TSHZ2: variants seen among roughly 807,000 people sequenced by gnomAD.
TSHZ2 encodes teashirt homolog 2.
TSHZ2 carries 21 observed loss-of-function variants against 74.4 expected under a neutral mutation model. That is an observed-to-expected ratio of 0.28 (90% CI 0.20 to 0.41). The LOEUF (loss-of-function observed/expected upper bound fraction) is 0.41. TSHZ2 is among the 10% of genes least tolerant of loss of function. The pLI, the probability that TSHZ2 is intolerant of heterozygous loss-of-function variation, is 1.00. For missense variants in TSHZ2, 1,244 were observed against 1,293.5 expected (o/e 0.96, Z 0.59); for synonymous variants, 540 against 515.3 (o/e 1.05, Z -0.65).
chr20:53,284,698 T>TC (rs35594234), intron 2 of TSHZ2, among the ~76,000 whole-genome samples: 2 of 151,574 alleles, frequency 1.3e-5, no homozygotes, highest in Admixed American at 6.6e-5. Flanking sequence ...GTTGGGATTT[T>TC]CCCCCCTACA....
chr20:53,204,428 T>C (rs559970362), intron 1 of TSHZ2, among the ~76,000 whole-genome samples: 1 of 147,100 alleles, frequency 6.8e-6, no homozygotes, highest in Non-Finnish European at 1.5e-5. Context: ...GATACTATTA[T>C]ATCATAATAT....
At chr20:53,301,630 C>A (rs1568859283) in intron 2 of TSHZ2, among the ~76,000 whole-genome samples, 1 of 152,144 alleles carries the variant, frequency 6.6e-6, no homozygotes, top group Non-Finnish European at 1.5e-5. Flanking sequence ...AAAGGAAAAG[C>A]ATAGAGAACG....
rs1031223291 is a variant in TSHZ2 at position 53,418,160 on chromosome 20, G to A, written c.*9-68984G>A. Among the ~76,000 whole-genome samples, 3 of 152,226 alleles carry A rather than the reference G, an allele frequency of 2.0e-5. 1 individual carries two copies. Among genetic ancestry groups the A allele is most frequent in the African/African-American group, 7.2e-5 (3 of 41,458 alleles). ...TCTATATGATTCAAAACAGCCTGCT[G>A]AGAGAGTAAAGGGGAGAAATATCTG... On this transcript the variant is annotated intron_variant, in intron 2 of 2. Transcript: ENST00000371497.
rs568659781 is a variant in TSHZ2 at position 53,305,708 on chromosome 20, G to A, written c.*8+49137G>A. Among the ~76,000 whole-genome samples the A allele has an allele frequency of 9.9e-5, 15 of 152,236 alleles. No homozygotes were observed. The South Asian group carries it at 1.9e-3, about 19-fold the overall frequency. On this transcript the variant is annotated intron_variant, in intron 2 of 2. Coordinates refer to ENST00000371497, the MANE Select transcript of TSHZ2 (RefSeq NM_173485.6). ...AAAATGTGTTTGGCTGGCCGGGTGC[G>A]GTGGCTCACTCCGGTAATCCCAGCA...
chr20:53,454,224 C>T (rs1451864707), intron 2 of TSHZ2, among the ~76,000 whole-genome samples: 7 of 152,140 alleles, frequency 4.6e-5, no homozygotes, highest in Non-Finnish European at 4.4e-5. Flanking sequence ...CTGTCTTAGG[C>T]TGTGGACTTC....
rs556027606 is a variant in TSHZ2 at position 53,046,357 on chromosome 20, A to G, written c.40+73024A>G. On this transcript the variant is annotated intron_variant, in intron 1 of 2. Coordinates refer to ENST00000371497, the MANE Select transcript of TSHZ2 (RefSeq NM_173485.6). ...AGCCATCATCTGGACTGGTCTTTTC[A>G]TCCAGGGCACTCGATGGTGGCTAGC... 4.6e-5 allele frequency among the ~76,000 whole-genome samples: 7 copies of G among 152,242 alleles called. No homozygotes were observed. The East Asian group carries it at 9.6e-4, about 21-fold the overall frequency.
At chr20:53,455,253 C>T (rs536891967) in intron 2 of TSHZ2, 1 of 152,336 alleles carries the variant, frequency 6.6e-6, no homozygotes, top group Non-Finnish European at 1.5e-5. Flanking sequence ...TCACAGCACT[C>T]ACCTCATCTG....
intron 2 of TSHZ2, among the ~76,000 whole-genome samples, chr20:53,304,119 A>G (rs1978420193): frequency 6.6e-6 from 1 of 151,546 alleles, no homozygotes; most frequent in Non-Finnish European, 1.5e-5. Context: ...TACATGTGCC[A>G]TGCTGGTGTG....
chr20:53,114,100 A>T (rs1021945644), intron 1 of TSHZ2, among the ~76,000 whole-genome samples: 1 of 104,658 alleles, frequency 9.6e-6, no homozygotes, highest in Non-Finnish European at 1.9e-5. Context: ...TCTCTTATGA[A>T]AAAAAAAAAA....
rs145846074 is a variant in TSHZ2, at chr20:53,158,430, G to A, written c.41-95069G>A. Reference sequence around the variant, plus strand: ...AGCAGGCAGGCAGGACAGGGCTGTGGCAGTCGGTAGTGGCTGTGGCTGGGC... The same window carrying A: ...AGCAGGCAGGCAGGACAGGGCTGTGACAGTCGGTAGTGGCTGTGGCTGGGC... On this transcript the variant is annotated intron_variant, in intron 1 of 2. Transcript: ENST00000371497. Among the ~76,000 whole-genome samples the A allele has an allele frequency of 4.7e-3, 708 of 152,240 alleles. 2 individuals are homozygous for A. The highest frequency in any genetic ancestry group is 0.016 in the African/African-American group (677 of 41,530).
In TSHZ2 at chr20:52,973,146, G is replaced by T. The variant is rs1235239886; in HGVS notation, c.-148G>T. The T allele has an allele frequency of 1.3e-5, 13 of 990,714 alleles. No homozygotes were observed. Among genetic ancestry groups the T allele is most frequent in the Middle Eastern group, 5.2e-4 (2 of 3,856 alleles). 61.4% of individuals were successfully genotyped at this position (990,714 alleles called of 1,614,324 possible). A position where few individuals can be genotyped will look rare whatever the true frequency, so the allele number is the denominator to read the frequency against. The stretch of plus-strand genomic sequence containing the variant: ...GGCCCGTGGTGGAGGAGTTGCAGGG[G>T]GGATCGTCAGGGGGACAGAGGCCGA... On this transcript the variant is annotated 5_prime_UTR_variant, in exon 1 of 3. Transcript: ENST00000371497.
At chr20:53,366,525 G>T (rs564231610) in intron 2 of TSHZ2, among the ~76,000 whole-genome samples, 1 of 152,258 alleles carries the variant, frequency 6.6e-6, no homozygotes, top group African/African-American at 2.4e-5. Flanking sequence ...CACCACCTCT[G>T]CCTCTTACTA....
chr20:53,365,470 T>C (rs975625522), intron 2 of TSHZ2, among the ~76,000 whole-genome samples: 1 of 152,216 alleles, frequency 6.6e-6, no homozygotes, highest in Non-Finnish European at 1.5e-5. Context: ...GGGGAGGTCA[T>C]ACTATCTGAA....
At chr20:53,400,373 C>T (rs1982612446) in intron 2 of TSHZ2, 1 of 152,314 alleles carries the variant, frequency 6.6e-6, no homozygotes, top group Non-Finnish European at 1.5e-5. Flanking sequence ...TGTTCCGACA[C>T]AGAAACGCAG....
intron 1 of TSHZ2, among the ~76,000 whole-genome samples, chr20:53,229,532 G>A (rs1989769714): frequency 6.6e-6 from 1 of 152,164 alleles, no homozygotes; most frequent in Admixed American, 6.5e-5. Context: ...CATGAGCCTA[G>A]AACACCTATG....
intron 2 of TSHZ2, among the ~76,000 whole-genome samples, chr20:53,357,037 T>C (rs911005156): frequency 4.6e-5 from 7 of 152,108 alleles, no homozygotes; most frequent in African/African-American, 1.4e-4. Context: ...ATTTTTTAAA[T>C]CCCTAAAACA....
At chr20:53,434,160 A>T (rs1160395557) in intron 2 of TSHZ2, among the ~76,000 whole-genome samples, 3 of 152,170 alleles carry the variant, frequency 2.0e-5, no homozygotes, top group Admixed American at 6.5e-5. Flanking sequence ...ACGAGCCACC[A>T]CACCCAGCTG....
chr20:52,975,009 C>T (rs1221899817), intron 1 of TSHZ2, among the ~76,000 whole-genome samples: 1 of 152,176 alleles, frequency 6.6e-6, no homozygotes, highest in Non-Finnish European at 1.5e-5. Flanking sequence ...CTCTTTCCTA[C>T]CGTTGTCTCT....
At chr20:53,158,919 C>G (rs1281498957) in intron 1 of TSHZ2, among the ~76,000 whole-genome samples, 1 of 152,260 alleles carries the variant, frequency 6.6e-6, no homozygotes, top group Non-Finnish European at 1.5e-5. Flanking sequence ...TTAAAACATT[C>G]TTTACATTGA....
Sources: gnomAD v4.1 joint callset for allele counts (sites outside exome capture counted in the v4.1 genomes callset) on GRCh38, gnomAD v4.1.1 for gene constraint, MANE v1.5 for transcripts, NCBI Gene and HGNC (gene_info 2026-07-23, HGNC 2026-07-21) for gene names.